Variants in MGAT4C observed in about 807,000 individuals in gnomAD.
MGAT4C encodes the protein alpha-1,3-mannosyl-glycoprotein 4-beta-N-acetylglucosaminyltransferase C.
MGAT4C carries 19 observed loss-of-function variants against 40.1 expected under a neutral mutation model. The observed-to-expected ratio is 0.47, with a 90% CI of 0.33 to 0.70. The LOEUF is 0.70. Among genes scored for constraint, MGAT4C ranks in the 30% least tolerant of loss-of-function variants. MGAT4C has a pLI of 0.02. For synonymous variants in MGAT4C, 181 were observed against 187.1 expected (o/e 0.97, Z 0.27); for missense variants, 491 against 563.2 (o/e 0.87, Z 1.30).
intron 1 of MGAT4C, among the ~76,000 whole-genome samples, chr12:86,085,099 TTC>T (rs1169356515): frequency 6.6e-6 from 1 of 152,032 alleles, no homozygotes; most frequent in Non-Finnish European, 1.5e-5. Context: ...TATCTATACA[TTC>T]TCTCATATAG....
intron 2 of MGAT4C, among the ~76,000 whole-genome samples, chr12:86,541,169 G>T (rs971253677): frequency 6.6e-6 from 1 of 152,142 alleles, no homozygotes; most frequent in Non-Finnish European, 1.5e-5. Context: ...CCTTCATGTT[G>T]TTCTCTATAG....
At chr12:86,625,613 A>T (rs567755928) in intron 2 of MGAT4C, among the ~76,000 whole-genome samples, 1 of 152,122 alleles carries the variant, frequency 6.6e-6, no homozygotes, top group African/African-American at 2.4e-5. Flanking sequence ...ATCCTCAGAG[A>T]CCTCTGGGGC....
chr12:86,593,343 T>G (rs1485014494), intron 2 of MGAT4C, among the ~76,000 whole-genome samples: 1 of 152,146 alleles, frequency 6.6e-6, no homozygotes, highest in African/African-American at 2.4e-5. Flanking sequence ...TCATTGATTT[T>G]CTCTACTGTT....
chr12:86,329,100 T>TTCAA (rs1954592324), intron 4 of MGAT4C, among the ~76,000 whole-genome samples: 1 of 108,260 alleles, frequency 9.2e-6, no homozygotes, highest in Non-Finnish European at 2.1e-5. Context: ...AAGACTCCAT[T>TTCAA]TCAATAAATA....
chr12:86,787,622 C>T (rs1221939800), intron 1 of MGAT4C, among the ~76,000 whole-genome samples: 2 of 152,164 alleles, frequency 1.3e-5, no homozygotes, highest in South Asian at 2.1e-4. Flanking sequence ...CAAAAAACAA[C>T]AGCTATTGGC....
At position 86,026,664 on chromosome 12, in the gene MGAT4C, C is replaced by A. The variant is rs555757878; in HGVS notation, c.-7+23010G>T. Among the ~76,000 whole-genome samples the A allele has an allele frequency of 3.3e-5, 5 of 151,960 alleles. No individual in the cohort carries two copies. The South Asian group carries it at 1.0e-3, about 32-fold the overall frequency. On this transcript the variant is annotated intron_variant, in intron 2 of 4. Transcript: ENST00000611864. ...GTAGTCTCATTTATGAGAGATACTT[C>A]CAGCTCCCCTTAGTCTTGTAATATA...
At chr12:86,269,295 C>G (rs990466789) in intron 4 of MGAT4C, among the ~76,000 whole-genome samples, 2 of 150,852 alleles carry the variant, frequency 1.3e-5, no homozygotes, top group African/African-American at 4.8e-5. Context: ...ACATATTTGT[C>G]TTTATTATAA....
intron 2 of MGAT4C, among the ~76,000 whole-genome samples, chr12:86,571,716 G>C (rs918569673): frequency 6.6e-6 from 1 of 152,046 alleles, no homozygotes; most frequent in Non-Finnish European, 1.5e-5. Context: ...ATGGATAATG[G>C]AGAGTTAACT....
chr12:86,793,923 A>G (rs1163807189), intron 1 of MGAT4C, among the ~76,000 whole-genome samples: 2 of 152,006 alleles, frequency 1.3e-5, no homozygotes, highest in East Asian at 3.8e-4. Context: ...ACACATTACT[A>G]ATAAAAAATG....
intron 3 of MGAT4C, among the ~76,000 whole-genome samples, chr12:86,398,707 C>A (rs1324749400): frequency 6.6e-6 from 1 of 151,776 alleles, no homozygotes; most frequent in Non-Finnish European, 1.5e-5. Flanking sequence ...GCTCCTTTTT[C>A]TTCCTGAGGC....
At chr12:86,660,518 A>C (rs901058790) in intron 2 of MGAT4C, among the ~76,000 whole-genome samples, 1 of 152,178 alleles carries the variant, frequency 6.6e-6, no homozygotes, top group Non-Finnish European at 1.5e-5. Flanking sequence ...AGTTCAGGAA[A>C]GAGATCTAAC....
chr12:86,598,069 A>G (rs1265144138), intron 2 of MGAT4C, among the ~76,000 whole-genome samples: 1 of 152,134 alleles, frequency 6.6e-6, no homozygotes, highest in Non-Finnish European at 1.5e-5. Context: ...TGTAAAGAAA[A>G]GTAACTTTTC....
chr12:86,806,375 T>G (rs376731745), intron 1 of MGAT4C, among the ~76,000 whole-genome samples: 1 of 151,994 alleles, frequency 6.6e-6, no homozygotes, highest in African/African-American at 2.4e-5. Flanking sequence ...ACAACTAACA[T>G]TGGTGTTTGT....
rs927643664 is a variant in MGAT4C, at chr12:85,971,110, AAATTT to A, written c.*8174_*8178del. The stretch of plus-strand genomic sequence containing the variant: ...GTTGAAAAATTAGTGCATTTATAAT[AAATTT>A]AATTATTCATAAAAAATTAACATTG... On this transcript the variant is annotated 3_prime_UTR_variant, in exon 5 of 5. Coordinates refer to ENST00000611864, the MANE Select transcript of MGAT4C (RefSeq NM_001351288.2). 1 of 151,304 alleles carries A rather than the reference AAATTT, an allele frequency of 6.6e-6. No individual in the cohort carries two copies. The highest frequency in any genetic ancestry group is 6.6e-5 in the Admixed American group (1 of 15,134). The allele number at this position is 151,304 out of a possible 1,614,324, so 9.4% of individuals were successfully genotyped here. A position where few individuals can be genotyped will look rare whatever the true frequency, so the allele number is the denominator to read the frequency against.
chr12:86,802,449 C>T (rs934818470), intron 1 of MGAT4C, among the ~76,000 whole-genome samples: 2 of 151,894 alleles, frequency 1.3e-5, no homozygotes, highest in African/African-American at 2.4e-5. Flanking sequence ...AATGATCATT[C>T]ATTAATTTAT....
chr12:86,210,783 G>C (rs1486821510), intron 1 of MGAT4C, among the ~76,000 whole-genome samples: 1 of 152,074 alleles, frequency 6.6e-6, no homozygotes, highest in African/African-American at 2.4e-5. Context: ...ATATTATTTT[G>C]GTTTAGGATG....
At chr12:86,062,403 A>T (rs543586562) in intron 1 of MGAT4C, among the ~76,000 whole-genome samples, 2 of 152,272 alleles carry the variant, frequency 1.3e-5, no homozygotes, top group East Asian at 3.9e-4. Context: ...AGGTAGATCA[A>T]TCTATGAAGA....
intron 1 of MGAT4C, among the ~76,000 whole-genome samples, chr12:86,184,468 T>A (rs1888500184): frequency 1.3e-5 from 2 of 152,096 alleles, no homozygotes; most frequent in Non-Finnish European, 2.9e-5. Flanking sequence ...ACAGTTTTTA[T>A]ACTCCTTTGT....
rs115033622 is a variant in MGAT4C, at chr12:86,199,723, C to A, written c.-57+56516G>T. On this transcript the variant is annotated intron_variant, in intron 1 of 4. Coordinates refer to ENST00000611864, the MANE Select transcript of MGAT4C (RefSeq NM_001351288.2). ...TGAATGTAAAATGCTTAGTGAAGTA[C>A]ATAATGTAAATATTAATCTCTAAAT... Among the ~76,000 whole-genome samples, 489 of 152,182 alleles carry A rather than the reference C, an allele frequency of 3.2e-3. 2 individuals are homozygous for A. Among genetic ancestry groups the A allele is most frequent in the African/African-American group, 0.011 (454 of 41,536 alleles).
Sources: gnomAD v4.1 joint callset for allele counts (sites outside exome capture counted in the v4.1 genomes callset) on GRCh38, gnomAD v4.1.1 for gene constraint, MANE v1.5 for transcripts, NCBI Gene and HGNC (gene_info 2026-07-23, HGNC 2026-07-21) for gene names.